CLN8: variants seen among roughly 807,000 people sequenced by gnomAD.
CLN8 encodes protein CLN8.
Under a neutral mutation model 15.7 loss-of-function variants are expected in CLN8, and 14 were observed. The ratio of observed to expected loss-of-function variants is 0.89; its 90% CI spans 0.59 to 1.39. The LOEUF is 1.39. Among genes scored for constraint, CLN8 ranks in the 40% most tolerant of loss-of-function variants. The pLI is 0.00. For missense variants in CLN8, 415 were observed against 364.0 expected (o/e 1.14, Z -1.14); for synonymous variants, 188 against 151.0 (o/e 1.25, Z -1.80).
rs377068164 is a variant in CLN8, at chr8:1,776,392, G to T, written c.544-3858G>T. On this transcript the variant is annotated intron_variant, in intron 2 of 2. Coordinates refer to ENST00000331222, the MANE Select transcript of CLN8 (RefSeq NM_018941.4). ...GTACACACACATGTGATAACAGAAGGTTCTGGAAGGTGAAATCTGTGAGGG... is the reference window on the plus strand; with the variant it reads ...GTACACACACATGTGATAACAGAAGTTTCTGGAAGGTGAAATCTGTGAGGG... Among the ~76,000 whole-genome samples the T allele has an allele frequency of 4.6e-5, 7 of 152,208 alleles. No homozygotes were observed. In the East Asian group the frequency reaches 7.7e-4, roughly 17 times the overall value.
In CLN8 at chr8:1,764,910, C is replaced by G. The variant is rs530102922; in HGVS notation, c.-124+1025C>G. 2.0e-4 allele frequency among the ~76,000 whole-genome samples: 31 copies of G among 152,352 alleles called. 1 individual carries two copies. The highest frequency in any genetic ancestry group is 1.9e-3 in the Admixed American group (29 of 15,304). The stretch of plus-strand genomic sequence containing the variant: ...GAAATCTGTAACTATCCAGCTTCTG[C>G]TTACCTCACTCCCGTATTTTGATTT... On this transcript the variant is annotated intron_variant, in intron 1 of 2. Coordinates refer to ENST00000331222, the MANE Select transcript of CLN8 (RefSeq NM_018941.4).
upstream of CLN8, among the ~76,000 whole-genome samples, chr8:1,754,449 T>C (rs994744346): frequency 1.3e-5 from 2 of 152,220 alleles, no homozygotes; most frequent in Admixed American, 6.5e-5. Context: ...TTTGACTATC[T>C]TTATTTGTTT....
At chr8:1,779,781 T>C (rs976602305) in intron 2 of CLN8, among the ~76,000 whole-genome samples, 4 of 152,210 alleles carry the variant, frequency 2.6e-5, no homozygotes, top group African/African-American at 9.6e-5. Context: ...TCTGGTCTCT[T>C]TCTCTTCTTA....
chr8:1,772,138 A>G lies in CLN8; in HGVS notation c.543+541A>G, dbSNP rs1005041054. 5.9e-5 allele frequency among the ~76,000 whole-genome samples: 9 copies of G among 151,880 alleles called. No individual in the cohort carries two copies. The South Asian group carries it at 6.2e-4, about 11-fold the overall frequency. ...TTTTTAGTAGAGATGGGGTTTCACTATGTTGGTCAGGCTGGTCTTGAACTC... is the reference window on the plus strand; with the variant it reads ...TTTTTAGTAGAGATGGGGTTTCACTGTGTTGGTCAGGCTGGTCTTGAACTC... On this transcript the variant is annotated intron_variant, in intron 2 of 2. Transcript: ENST00000331222.
chr8:1,775,758 G>T (rs1308955926), intron 2 of CLN8, among the ~76,000 whole-genome samples: 1 of 152,152 alleles, frequency 6.6e-6, no homozygotes, highest in African/African-American at 2.4e-5. Context: ...TACTGTAGAG[G>T]ATTCTGATGT....
upstream of CLN8, chr8:1,762,638 TA>T (rs1465862327): frequency 1.6e-4 from 24 of 152,242 alleles, no homozygotes; most frequent in African/African-American, 5.5e-4. Flanking sequence ...AGGGTTATAA[TA>T]ATTTTGAAAT....
rs1039450327 is a variant in CLN8 at position 1,784,967 on chromosome 8, C to G, written c.*4400C>G. The G allele has an allele frequency of 1.3e-5, 2 of 152,396 alleles. No homozygotes were observed. The highest frequency in any genetic ancestry group is 6.6e-5 in the Admixed American group (1 of 15,266). 9.4% of individuals were successfully genotyped at this position (152,396 alleles called of 1,614,324 possible). ...GGGGCCAGCCTGGGGTGGGGTCGGC[C>G]AGGGTCAGCTGCCTTTCCTTCATGC... is the stretch of plus-strand genomic sequence containing the variant. On this transcript the variant is annotated 3_prime_UTR_variant, in exon 3 of 3. Coordinates refer to ENST00000331222, the MANE Select transcript of CLN8 (RefSeq NM_018941.4).
chr8:1,767,565 C>CTTTTTTTTT lies in CLN8; in HGVS notation c.-123-3351_-123-3343dup, dbSNP rs1156569423. On this transcript the variant is annotated intron_variant, in intron 1 of 2. Coordinates refer to ENST00000331222, the MANE Select transcript of CLN8 (RefSeq NM_018941.4). ...TTCCCGCTGCTCTGTATGTTTCTTT[C>CTTTTTTTTT]TTTTTTTTTTTTTTTTTTTTTTTTG... Among the ~76,000 whole-genome samples the CTTTTTTTTT allele has an allele frequency of 2.0e-4, 16 of 81,324 alleles. 1 individual carries two copies. The highest frequency in any genetic ancestry group is 4.3e-4 in the East Asian group (1 of 2,344). The allele number at this position is 81,324 out of a possible 152,430, so 53.4% of individuals were successfully genotyped here.
intron 1 of CLN8, among the ~76,000 whole-genome samples, chr8:1,757,632 G>A (rs985480860): frequency 5.3e-5 from 8 of 152,096 alleles, no homozygotes; most frequent in Non-Finnish European, 7.4e-5. Context: ...GTAGAGACAA[G>A]GTTTCACTAG....
intron 2 of CLN8, among the ~76,000 whole-genome samples, chr8:1,776,732 C>T (rs1015079998): frequency 1.3e-5 from 2 of 152,176 alleles, no homozygotes; most frequent in Non-Finnish European, 2.9e-5. Context: ...GGTGTCCTTG[C>T]GGCTCCATGC....
rs1250287322 is a variant in CLN8 at position 1,774,122 on chromosome 8, T to TGTGGG, written c.543+2527_543+2531dup. On this transcript the variant is annotated intron_variant, in intron 2 of 2. Coordinates refer to ENST00000331222, the MANE Select transcript of CLN8 (RefSeq NM_018941.4). ...TATCTGTGCTTCTCCTGGAGCCAGG[T>TGTGGG]GTGGGGACAGCGTCTCCAGCAGTTC... Among the ~76,000 whole-genome samples the TGTGGG allele has an allele frequency of 2.0e-5, 3 of 152,304 alleles. No individual in the cohort carries two copies. The East Asian group carries it at 5.8e-4, about 29-fold the overall frequency.
chr8:1,782,107 T>C lies in CLN8; in HGVS notation c.*1540T>C, dbSNP rs1362803885. 1 of 152,212 alleles carries C rather than the reference T, an allele frequency of 6.6e-6. No individual in the cohort carries two copies. The highest frequency in any genetic ancestry group is 1.5e-5 in the Non-Finnish European group (1 of 68,042). The allele number at this position is 152,212 out of a possible 1,614,324, so 9.4% of individuals were successfully genotyped here. A position where few individuals can be genotyped will look rare whatever the true frequency, so the allele number is the denominator to read the frequency against. On this transcript the variant is annotated 3_prime_UTR_variant, in exon 3 of 3. Coordinates refer to ENST00000331222, the MANE Select transcript of CLN8 (RefSeq NM_018941.4). ...TGTGTGACTTACGTTCCTTATGTTT[T>C]ATGGAACTCTCGGAACAGTGTTTTG... is the stretch of plus-strand genomic sequence containing the variant.
At chr8:1,765,326 C>G (rs1000763854) in intron 1 of CLN8, 3 of 152,180 alleles carry the variant, frequency 2.0e-5, no homozygotes, top group Admixed American at 1.3e-4. Context: ...CTGTTATCCC[C>G]TTTTATGTAA....
chr8:1,770,928 T>C lies in CLN8; in HGVS notation c.-123-4T>C, dbSNP rs114189810. ...CAACACAAAATGAATGATCTTTCTTTTAGATTGAAGATGGATACGTGACAA... is the reference window on the plus strand; with the variant it reads ...CAACACAAAATGAATGATCTTTCTTCTAGATTGAAGATGGATACGTGACAA... On this transcript the variant is annotated splice_region_variant and splice_polypyrimidine_tract_variant and intron_variant, in intron 1 of 2. Transcript: ENST00000331222. The C allele has an allele frequency of 1.3e-3, 1,093 of 827,392 alleles. 10 individuals are homozygous for C. The African/African-American group carries it at 0.016, about 12-fold the overall frequency. The allele number at this position is 827,392 out of a possible 1,614,324, so 51.3% of individuals were successfully genotyped here.
At chr8:1,768,000 T>C (rs950565311) in intron 1 of CLN8, among the ~76,000 whole-genome samples, 1 of 151,634 alleles carries the variant, frequency 6.6e-6, no homozygotes, top group African/African-American at 2.4e-5. Flanking sequence ...TGAAGTGCAG[T>C]TGTGTGATCT....
intron 1 of CLN8, among the ~76,000 whole-genome samples, chr8:1,767,118 C>T (rs916043591): frequency 6.6e-6 from 1 of 152,172 alleles, no homozygotes; most frequent in African/African-American, 2.4e-5. Flanking sequence ...GAGGAGTTCA[C>T]CTCCTTTGTG....
upstream of CLN8, among the ~76,000 whole-genome samples, chr8:1,761,441 C>A (rs1378126276): frequency 1.3e-5 from 2 of 152,220 alleles, no homozygotes; most frequent in African/African-American, 4.8e-5. Flanking sequence ...TCTCCTGCCT[C>A]AGGCTCCCAA....
exon 1 of CLN8, chr8:1,755,788 A>C (rs1004220177): frequency 6.6e-6 from 1 of 152,194 alleles, no homozygotes; most frequent in Non-Finnish European, 1.5e-5. Context: ...AATGAACTCC[A>C]TGCTTGCAGA....
chr8:1,768,200 T>C (rs779596334), intron 1 of CLN8, among the ~76,000 whole-genome samples: 1 of 152,190 alleles, frequency 6.6e-6, no homozygotes, highest in Non-Finnish European at 1.5e-5. Context: ...CACCTTGGCT[T>C]CCCAAAGTGC....
Sources: gnomAD v4.1 joint callset for allele counts (sites outside exome capture counted in the v4.1 genomes callset) on GRCh38, gnomAD v4.1.1 for gene constraint, MANE v1.5 for transcripts, NCBI Gene and HGNC (gene_info 2026-07-23, HGNC 2026-07-21) for gene names.